The following C1orf21 variants were observed in gnomAD, a reference collection of about 807,000 sequenced individuals.
C1orf21 encodes the protein chromosome 1 open reading frame 21.
In C1orf21, 3 loss-of-function variants were observed where a neutral mutation model predicts 18.7. The ratio of observed to expected loss-of-function variants is 0.16; its 90% CI spans 0.07 to 0.42. The LOEUF (loss-of-function observed/expected upper bound fraction) is 0.42. C1orf21 is among the 10% of genes least tolerant of loss of function. The pLI is 0.99. For synonymous variants in C1orf21, 41 were observed against 46.4 expected, an observed-to-expected ratio of 0.88 and a Z score of 0.47; for missense variants, 104 against 143.6, an observed-to-expected ratio of 0.72 and a Z score of 1.41.
intron 3 of C1orf21, among the ~76,000 whole-genome samples, chr1:184,577,953 GTTTTTTT>G (rs1257021237): frequency 1.8e-5 from 2 of 108,946 alleles, no homozygotes; most frequent in Non-Finnish European, 3.8e-5. Context: ...TTTTGTTTTT[GTTTTTTT>G]TTTTTTTTTT....
chr1:184,590,681 C>T (rs1485189864), intron 3 of C1orf21, 58 bp from the exon 4 acceptor site: 10 of 1,507,942 alleles, frequency 6.6e-6, no homozygotes, highest in Middle Eastern at 1.7e-4. Context: ...AACTCATACA[C>T]TTGTTTAATT....
intron 3 of C1orf21, among the ~76,000 whole-genome samples, chr1:184,508,552 A>T (rs1658100158): frequency 6.6e-6 from 1 of 152,176 alleles, no homozygotes; most frequent in Non-Finnish European, 1.5e-5. Context: ...CTTCTGCTAC[A>T]GCAGAGGAAT....
chr1:184,624,709 A>ATC lies in C1orf21; in HGVS notation c.*5157_*5158dup. ...ATTTAAGCACTGAAACTAGATGCAA[A>ATC]TCTCTTTCGAGACCTTACATGTTTT... On this transcript the variant is annotated 3_prime_UTR_variant, in exon 6 of 6. Transcript: ENST00000235307. 1 of 152,158 alleles carries ATC rather than the reference A, an allele frequency of 6.6e-6. No individual in the cohort carries two copies. Among genetic ancestry groups the ATC allele is most frequent in the East Asian group, 1.9e-4 (1 of 5,190 alleles). 9.4% of individuals were successfully genotyped at this position (152,158 alleles called of 1,614,324 possible).
At chr1:184,505,342 C>T (rs7544586) in intron 2 of C1orf21, among the ~76,000 whole-genome samples, 32,870 of 79,204 alleles carry the variant, frequency 0.42, 6,282 homozygotes, top group African/African-American at 0.52. Context: ...TATATATATA[C>T]ACACATGCCA....
intron 2 of C1orf21, among the ~76,000 whole-genome samples, chr1:184,483,727 G>A (rs1657690494): frequency 1.3e-5 from 2 of 151,982 alleles, no homozygotes; most frequent in African/African-American, 4.8e-5. Flanking sequence ...CTTGTTTTTG[G>A]TCTGTTTTTA....
chr1:184,502,250 C>T (rs138891191), intron 2 of C1orf21, among the ~76,000 whole-genome samples: 153 of 152,242 alleles, frequency 1.0e-3, no homozygotes, highest in Non-Finnish European at 1.6e-3. Flanking sequence ...GATGAGAGTC[C>T]GCTTGTGCCT....
intron 1 of C1orf21, among the ~76,000 whole-genome samples, chr1:184,404,222 A>G (rs1193481038): frequency 1.3e-5 from 2 of 152,226 alleles, no homozygotes; most frequent in Non-Finnish European, 2.9e-5. Flanking sequence ...CTGTGTTTTC[A>G]GCTTTCTGTT....
chr1:184,479,489 A>G lies in C1orf21; in HGVS notation c.94+1886A>G, dbSNP rs140162054. The stretch of plus-strand genomic sequence containing the variant: ...AATTTTACATACTTGGAAACTGAAC[A>G]CAGAGAGACGGACTTGTCCGAGGTT... On this transcript the variant is annotated intron_variant, in intron 2 of 5. Transcript: ENST00000235307. 7.4e-3 allele frequency among the ~76,000 whole-genome samples: 1,129 copies of G among 152,264 alleles called. 6 individuals carry two copies. Among genetic ancestry groups the G allele is most frequent in the Middle Eastern group, 0.02 (6 of 294 alleles).
rs139116550 is a variant in C1orf21, at chr1:184,480,219, T to A, written c.94+2616T>A. Reference sequence around the variant, plus strand: ...TAAAGGACTGAAAGAACAAAACCTGTCTCAATCTAAACTGGAAAAGGAACA... The same window carrying A: ...TAAAGGACTGAAAGAACAAAACCTGACTCAATCTAAACTGGAAAAGGAACA... On this transcript the variant is annotated intron_variant, in intron 2 of 5. Coordinates refer to ENST00000235307, the MANE Select transcript of C1orf21 (RefSeq NM_030806.4). Among the ~76,000 whole-genome samples the A allele has an allele frequency of 3.5e-3, 527 of 152,260 alleles. 2 individuals carry two copies. Among genetic ancestry groups the A allele is most frequent in the Non-Finnish European group, 6.6e-3 (451 of 68,016 alleles).
At chr1:184,608,672 G>A (rs555162931) in intron 5 of C1orf21, among the ~76,000 whole-genome samples, 3 of 152,166 alleles carry the variant, frequency 2.0e-5, no homozygotes, top group South Asian at 2.1e-4. Context: ...AGCCTGTCAC[G>A]TGTCCTCTGG....
At chr1:184,402,054 G>T (rs1345176023) in intron 1 of C1orf21, among the ~76,000 whole-genome samples, 1 of 152,124 alleles carries the variant, frequency 6.6e-6, no homozygotes, top group Non-Finnish European at 1.5e-5. Context: ...TAACCAGGTT[G>T]TTCTAGTTGT....
intron 1 of C1orf21, among the ~76,000 whole-genome samples, chr1:184,449,184 T>A (rs145581344): frequency 0.012 from 1,813 of 152,012 alleles, 23 homozygotes; most frequent in Non-Finnish European, 0.018. Context: ...TATCTCCTAA[T>A]GCTATCCCTC....
At chr1:184,396,063 C>T (rs16823101) in intron 1 of C1orf21, among the ~76,000 whole-genome samples, 44,042 of 151,984 alleles carry the variant, frequency 0.29, 10,008 homozygotes, top group African/African-American at 0.64. Flanking sequence ...AATGTAATGA[C>T]GTGGAGCCAT....
intron 2 of C1orf21, among the ~76,000 whole-genome samples, chr1:184,494,165 C>T (rs1459182584): frequency 1.3e-5 from 2 of 152,114 alleles, no homozygotes; most frequent in African/African-American, 4.8e-5. Flanking sequence ...GAGGAACTGA[C>T]CTTTGAGCAA....
Position 184,428,171 on chromosome 1 carries a change from G to C in C1orf21, c.-125+40803G>C, listed in dbSNP as rs372598844. 8.5e-5 allele frequency among the ~76,000 whole-genome samples: 13 copies of C among 152,196 alleles called. No individual in the cohort carries two copies. The South Asian group carries it at 2.7e-3, about 32-fold the overall frequency. On this transcript the variant is annotated intron_variant, in intron 1 of 5. Transcript: ENST00000235307. ...TATGGTGCATAATCTTTGAAAGTTAGCCATTTTAAATATTTGTGCCTTTTT... is the reference window on the plus strand; with the variant it reads ...TATGGTGCATAATCTTTGAAAGTTACCCATTTTAAATATTTGTGCCTTTTT...
intron 1 of C1orf21, among the ~76,000 whole-genome samples, chr1:184,421,882 G>T (rs999227817): frequency 6.9e-6 from 1 of 145,652 alleles, no homozygotes; most frequent in Non-Finnish European, 1.5e-5. Flanking sequence ...CATGACCATT[G>T]TCTATGGTGC....
chr1:184,597,522 G>A (rs763764652), intron 4 of C1orf21, among the ~76,000 whole-genome samples: 3 of 151,910 alleles, frequency 2.0e-5, no homozygotes, highest in Non-Finnish European at 4.4e-5. Context: ...CCCTCCTTCA[G>A]ACAGGACAAC....
Position 184,543,201 on chromosome 1 carries a change from G to T in C1orf21, c.189+35519G>T, listed in dbSNP as rs1376226084. On this transcript the variant is annotated intron_variant, in intron 3 of 5. Coordinates refer to ENST00000235307, the MANE Select transcript of C1orf21 (RefSeq NM_030806.4). Reference sequence around the variant, plus strand: ...TCTTCACAAAAAAATTAAAAAATTAGCTGGGCTAGGTGGTGGTGTGTGCCT... The same window carrying T: ...TCTTCACAAAAAAATTAAAAAATTATCTGGGCTAGGTGGTGGTGTGTGCCT... Among the ~76,000 whole-genome samples, 4 of 152,092 alleles carry T rather than the reference G, an allele frequency of 2.6e-5. No homozygotes were observed. In the East Asian group the frequency reaches 5.8e-4, roughly 22 times the overall value.
At chr1:184,488,150 A>G (rs189081670) in intron 2 of C1orf21, among the ~76,000 whole-genome samples, 1 of 152,312 alleles carries the variant, frequency 6.6e-6, no homozygotes, top group African/African-American at 2.4e-5. Flanking sequence ...GTGTGTTCCT[A>G]TGGTTTGTTC....
Sources: gnomAD v4.1 joint callset for allele counts (sites outside exome capture counted in the v4.1 genomes callset) on GRCh38, gnomAD v4.1.1 for gene constraint, MANE v1.5 for transcripts, NCBI Gene and HGNC (gene_info 2026-07-23, HGNC 2026-07-21) for gene names.